NBEA: variants seen among roughly 807,000 people sequenced by gnomAD.
NBEA encodes neurobeachin.
NBEA carries 44 observed loss-of-function variants against 343.4 expected under a neutral mutation model. The ratio of observed to expected loss-of-function variants is 0.13; its 90% confidence interval spans 0.10 to 0.16. NBEA has a LOEUF of 0.16. NBEA is among the 10% of genes least tolerant of loss of function. The probability of loss-of-function intolerance (pLI) is 1.00; values close to 1 mark genes in which losing one functional copy is unlikely to be tolerated. For synonymous variants in NBEA, 1,175 were observed against 1,238.7 expected (o/e 0.95, Z 1.08); for missense variants, 2,555 against 3,631.3 (o/e 0.70, Z 7.62).
intron 38 of NBEA, among the ~76,000 whole-genome samples, chr13:35,361,137 A>T (rs1309921138): frequency 6.6e-6 from 1 of 152,092 alleles, no homozygotes; most frequent in South Asian, 2.1e-4. Flanking sequence ...TGTTACATAT[A>T]ATAGGCAACA....
intron 48 of NBEA, among the ~76,000 whole-genome samples, chr13:35,607,237 T>G (rs921393839): frequency 1.3e-5 from 2 of 152,158 alleles, no homozygotes; most frequent in African/African-American, 4.8e-5. Context: ...AGATTTTTTT[T>G]GGTAAGATAG....
intron 17 of NBEA, among the ~76,000 whole-genome samples, chr13:35,127,202 C>T (rs118053934): frequency 0.046 from 6,965 of 152,114 alleles, 242 homozygotes; most frequent in Non-Finnish European, 0.067. Context: ...CTAAAATAAC[C>T]TTCAATACAA....
At chr13:35,487,871 T>C (rs773743286) in intron 41 of NBEA, among the ~76,000 whole-genome samples, 1 of 151,898 alleles carries the variant, frequency 6.6e-6, no homozygotes, top group Non-Finnish European at 1.5e-5. Flanking sequence ...GCCATTCTGG[T>C]ACATGATTTT....
At chr13:35,331,381 C>T (rs901150596) in intron 36 of NBEA, among the ~76,000 whole-genome samples, 2 of 151,970 alleles carry the variant, frequency 1.3e-5, no homozygotes, top group African/African-American at 4.8e-5. Context: ...TACTCCCATT[C>T]TCTGATGACA....
intron 41 of NBEA, among the ~76,000 whole-genome samples, chr13:35,516,153 A>G (rs766493993): frequency 1.3e-5 from 2 of 152,190 alleles, no homozygotes; most frequent in African/African-American, 2.4e-5. Context: ...ATATGTATCC[A>G]ATGGAGATAC....
At chr13:35,486,841 A>G (rs2152970529) in intron 41 of NBEA, among the ~76,000 whole-genome samples, 1 of 152,072 alleles carries the variant, frequency 6.6e-6, no homozygotes. Context: ...TCACATTGGG[A>G]GAAACTATTT....
At chr13:35,546,463 C>CAA (rs754913026) in intron 41 of NBEA, among the ~76,000 whole-genome samples, 7 of 105,048 alleles carry the variant, frequency 6.7e-5, no homozygotes, top group East Asian at 2.6e-4. Context: ...GACTCCATCT[C>CAA]AAAAAAAAAA....
At chr13:35,126,919 C>CAA (rs780669899) in intron 17 of NBEA, among the ~76,000 whole-genome samples, 15 of 58,496 alleles carry the variant, frequency 2.6e-4, no homozygotes, top group Non-Finnish European at 5.0e-4. Context: ...GACTCCATCT[C>CAA]AAAAAAAAAA....
chr13:35,452,003 A>T, intron 39 of NBEA, 89 bp from the exon 40 acceptor site: 1 of 921,138 alleles, frequency 1.1e-6, no homozygotes, highest in Non-Finnish European at 1.7e-6. Flanking sequence ...GCAGCATATA[A>T]TTTAATAAAG....
intron 17 of NBEA, among the ~76,000 whole-genome samples, chr13:35,135,629 A>T (rs2067677163): frequency 6.6e-6 from 1 of 152,070 alleles, no homozygotes; most frequent in Admixed American, 6.6e-5. Context: ...TGAACAAATA[A>T]GTAAAAATGT....
chr13:35,351,824 T>C (rs918927582), intron 37 of NBEA, among the ~76,000 whole-genome samples: 16 of 152,046 alleles, frequency 1.1e-4, no homozygotes, highest in Admixed American at 2.0e-4. Flanking sequence ...AAGTGAGATA[T>C]ACTATATTGG....
intron 38 of NBEA, among the ~76,000 whole-genome samples, chr13:35,417,524 G>T (rs987674796): frequency 5.9e-5 from 9 of 152,130 alleles, no homozygotes; most frequent in African/African-American, 1.4e-4. Context: ...AGGTTGTTCA[G>T]TTTCGTGTAG....
In NBEA at chr13:35,624,625, G is replaced by T. The variant is rs567730412; in HGVS notation, c.7450-3456G>T. Among the ~76,000 whole-genome samples, 15 of 152,050 alleles carry T rather than the reference G, an allele frequency of 9.9e-5. 1 individual carries two copies. In the South Asian group the frequency reaches 3.1e-3, roughly 32 times the overall value. Reference sequence around the variant, plus strand: ...ATCCTGAAAAAAAGAATAAATTCTAGCACATATTGAGATATGTAAGAAATA... The same window carrying T: ...ATCCTGAAAAAAAGAATAAATTCTATCACATATTGAGATATGTAAGAAATA... On this transcript the variant is annotated intron_variant, in intron 48 of 58. Coordinates refer to ENST00000379939, the MANE Select transcript of NBEA (RefSeq NM_001385012.1).
At chr13:35,400,129 A>G (rs2042928647) in intron 38 of NBEA, among the ~76,000 whole-genome samples, 1 of 148,516 alleles carries the variant, frequency 6.7e-6, no homozygotes. Context: ...CACAGTGAGC[A>G]TATGCTGTTG....
chr13:35,418,275 G>T (rs1383243882), intron 38 of NBEA, among the ~76,000 whole-genome samples: 3 of 151,736 alleles, frequency 2.0e-5, no homozygotes, highest in Admixed American at 6.6e-5. Context: ...TACTCTTAAA[G>T]ACATTATTAT....
chr13:35,334,265 G>A (rs752772854), intron 36 of NBEA, among the ~76,000 whole-genome samples: 6 of 152,010 alleles, frequency 3.9e-5, no homozygotes, highest in African/African-American at 7.2e-5. Flanking sequence ...GTATCTCATT[G>A]TAGTTGCTTG....
intron 34 of NBEA, among the ~76,000 whole-genome samples, chr13:35,266,269 A>C (rs1762996211): frequency 6.6e-6 from 1 of 151,900 alleles, no homozygotes; most frequent in African/African-American, 2.4e-5. Context: ...ATTGTGGAAA[A>C]CAGAATGGAG....
chr13:35,496,471 A>G (rs1488592952), intron 41 of NBEA, among the ~76,000 whole-genome samples: 1 of 151,624 alleles, frequency 6.6e-6, no homozygotes, highest in Non-Finnish European at 1.5e-5. Context: ...CTTGTCTCTA[A>G]AAAAATGAAA....
chr13:35,484,209 T>C (rs2076221145), intron 41 of NBEA, among the ~76,000 whole-genome samples: 1 of 151,106 alleles, frequency 6.6e-6, no homozygotes, highest in East Asian at 2.0e-4. Context: ...AGAAAAAATT[T>C]ACTTAAATAT....
Sources: gnomAD v4.1 joint callset for allele counts (sites outside exome capture counted in the v4.1 genomes callset) on GRCh38, gnomAD v4.1.1 for gene constraint, MANE v1.5 for transcripts, NCBI Gene and HGNC (gene_info 2026-07-23, HGNC 2026-07-21) for gene names.